TANC2: variants seen among roughly 807,000 people sequenced by gnomAD.
The protein encoded by TANC2 is protein TANC2.
In TANC2, 26 loss-of-function variants were observed where a neutral mutation model predicts 210.5. That is an observed-to-expected ratio of 0.12 (90% CI 0.09 to 0.17). The LOEUF is 0.17. Among genes scored for constraint, TANC2 ranks in the 10% least tolerant of loss-of-function variants. The pLI, the probability that TANC2 is intolerant of heterozygous loss-of-function variation, is 1.00. For missense variants in TANC2, 2,129 were observed against 2,608.9 expected (o/e 0.82, Z 4.01); for synonymous variants, 931 against 967.1 (o/e 0.96, Z 0.69).
At chr17:63,090,092 C>T (rs1215458218) in intron 3 of TANC2, among the ~76,000 whole-genome samples, 1 of 152,038 alleles carries the variant, frequency 6.6e-6, no homozygotes, top group African/African-American at 2.4e-5. Flanking sequence ...AGTTGTCTCC[C>T]TCAACCTAAT....
chr17:63,201,176 A>G (rs907215010), intron 7 of TANC2, among the ~76,000 whole-genome samples: 2 of 152,080 alleles, frequency 1.3e-5, no homozygotes, highest in African/African-American at 4.8e-5. Flanking sequence ...ATATTCCCTG[A>G]TAAGAAGGAG....
At chr17:63,335,129 A>T (rs559728743) in intron 11 of TANC2, among the ~76,000 whole-genome samples, 17 of 152,324 alleles carry the variant, frequency 1.1e-4, no homozygotes, top group African/African-American at 3.6e-4. Flanking sequence ...TTGGGCAGGG[A>T]CAAATATCCA....
At chr17:63,422,081 G>A (rs1568010112) in exon 28 of TANC2, 1 of 1,247,878 alleles carries the variant, frequency 8.0e-7, no homozygotes, top group Non-Finnish European at 1.1e-6. Flanking sequence ...AGAGGTGGCA[G>A]CCCACATGCT....
At chr17:63,255,644 G>T (rs191939531) in intron 8 of TANC2, among the ~76,000 whole-genome samples, 9 of 152,042 alleles carry the variant, frequency 5.9e-5, no homozygotes, top group South Asian at 2.1e-4. Context: ...AATTTCTGTG[G>T]TATCAGTTGT....
intron 1 of TANC2, among the ~76,000 whole-genome samples, chr17:63,003,556 T>A (rs1377393511): frequency 1.3e-5 from 2 of 152,220 alleles, no homozygotes; most frequent in Non-Finnish European, 2.9e-5. Context: ...GTGTGAGATT[T>A]CATCAGGCTA....
intron 5 of TANC2, among the ~76,000 whole-genome samples, chr17:63,192,066 T>C (rs2041204934): frequency 6.6e-6 from 1 of 152,198 alleles, no homozygotes; most frequent in Non-Finnish European, 1.5e-5. Flanking sequence ...AAAATTTTAC[T>C]CAAGATCAAC....
At chr17:63,160,542 A>C (rs1167849131) in intron 5 of TANC2, among the ~76,000 whole-genome samples, 1 of 152,216 alleles carries the variant, frequency 6.6e-6, no homozygotes, top group Non-Finnish European at 1.5e-5. Flanking sequence ...TAATTTTTAA[A>C]AAACAATATA....
chr17:62,990,341 C>T (rs946475301), intron 1 of TANC2, among the ~76,000 whole-genome samples: 22 of 152,084 alleles, frequency 1.4e-4, no homozygotes, highest in African/African-American at 5.1e-4. Context: ...TGCAGTGACA[C>T]GAACAGAGCT....
At chr17:63,368,079 T>C (rs1479040943) in intron 14 of TANC2, among the ~76,000 whole-genome samples, 1 of 152,128 alleles carries the variant, frequency 6.6e-6, no homozygotes, top group African/African-American at 2.4e-5. Context: ...GCAGAGTGTA[T>C]GTGGGAGAGA....
chr17:63,175,197 A>C (rs911329556), intron 5 of TANC2, among the ~76,000 whole-genome samples: 14 of 152,204 alleles, frequency 9.2e-5, no homozygotes, highest in Admixed American at 3.3e-4. Flanking sequence ...AATAAAGTTA[A>C]AGGACTTATT....
chr17:63,067,215 G>T (rs1403991578), intron 2 of TANC2, among the ~76,000 whole-genome samples: 1 of 152,116 alleles, frequency 6.6e-6, no homozygotes, highest in Non-Finnish European at 1.5e-5. Context: ...ATATGAAATT[G>T]ATACAGAAAG....
At chr17:62,983,338 GTAGGGTCTT>G (rs2032402053) in intron 1 of TANC2, among the ~76,000 whole-genome samples, 1 of 151,808 alleles carries the variant, frequency 6.6e-6, no homozygotes. Flanking sequence ...TGAGTTTTTG[GTAGGGTCTT>G]TAGGTTTTAT....
intron 9 of TANC2, among the ~76,000 whole-genome samples, chr17:63,277,399 C>T (rs781724306): frequency 2.6e-5 from 4 of 151,600 alleles, no homozygotes; most frequent in African/African-American, 7.3e-5. Flanking sequence ...GGTATTAAGC[C>T]GAAGACCCAT....
chr17:63,345,998 T>C (rs1037996776), intron 12 of TANC2, among the ~76,000 whole-genome samples: 1 of 152,188 alleles, frequency 6.6e-6, no homozygotes, highest in Non-Finnish European at 1.5e-5. Context: ...AGTCAATTGA[T>C]CTTCTCTAAG....
chr17:63,063,967 C>G (rs1288400480), intron 2 of TANC2, among the ~76,000 whole-genome samples: 1 of 152,042 alleles, frequency 6.6e-6, no homozygotes, highest in South Asian at 2.1e-4. Context: ...TTTAAAGATG[C>G]TGGACATCTA....
intron 21 of TANC2, among the ~76,000 whole-genome samples, chr17:63,408,501 T>A (rs1173488214): frequency 6.6e-6 from 1 of 152,258 alleles, no homozygotes; most frequent in Non-Finnish European, 1.5e-5. Context: ...TACTCTTTCC[T>A]CCACTGGATA....
intron 10 of TANC2, among the ~76,000 whole-genome samples, chr17:63,315,802 G>C (rs895009603): frequency 1.3e-5 from 2 of 152,216 alleles, no homozygotes; most frequent in African/African-American, 4.8e-5. Context: ...TAAGGAGGCA[G>C]ATGGCCTCTG....
intron 1 of TANC2, chr17:62,967,569 C>G (rs1293896930): frequency 3.9e-5 from 6 of 152,208 alleles, no homozygotes; most frequent in Non-Finnish European, 8.8e-5. Context: ...GGAAAAGAAA[C>G]AAACAAAACC....
intron 15 of TANC2, among the ~76,000 whole-genome samples, chr17:63,386,848 G>T (rs563971852): frequency 6.6e-6 from 1 of 151,884 alleles, no homozygotes; most frequent in Admixed American, 6.6e-5. Context: ...GTTTTTTGGT[G>T]GTTGTTGTTT....
Sources: gnomAD v4.1 joint callset for allele counts (sites outside exome capture counted in the v4.1 genomes callset) on GRCh38, gnomAD v4.1.1 for gene constraint, MANE v1.5 for transcripts, NCBI Gene and HGNC (gene_info 2026-07-23, HGNC 2026-07-21) for gene names.